Variants in MTHFD1 observed in about 807,000 individuals in gnomAD.
The protein encoded by MTHFD1 is C-1-tetrahydrofolate synthase, cytoplasmic.
A neutral mutation model predicts 110.3 loss-of-function variants in MTHFD1; 44 were observed. The ratio of observed to expected loss-of-function variants is 0.40; its 90% CI spans 0.31 to 0.51. The LOEUF (loss-of-function observed/expected upper bound fraction) is 0.51. MTHFD1 is among the 20% of genes least tolerant of loss of function. The probability of loss-of-function intolerance (pLI) is 0.60; values close to 1 mark genes in which losing one functional copy is unlikely to be tolerated. For synonymous variants in MTHFD1, 402 were observed against 428.8 expected, an observed-to-expected ratio of 0.94 and a Z score of 0.77; for missense variants, 909 against 1,173.1, an observed-to-expected ratio of 0.77 and a Z score of 3.29.
chr14:64,410,138 A>G (rs1201760631), intron 2 of MTHFD1, among the ~76,000 whole-genome samples: 7 of 152,256 alleles, frequency 4.6e-5, no homozygotes, highest in Non-Finnish European at 1.0e-4. Flanking sequence ...TTCATGGTCA[A>G]AGAAACAGAG....
At chr14:64,421,801 A>AT (rs967376585) in intron 8 of MTHFD1, among the ~76,000 whole-genome samples, 5 of 151,574 alleles carry the variant, frequency 3.3e-5, no homozygotes, top group Admixed American at 1.3e-4. Context: ...TTTTTTTTGT[A>AT]TTTTTAGTAG....
Position 64,458,632 on chromosome 14 carries a change from G to A in MTHFD1, c.*4+325G>A, listed in dbSNP as rs1264257732. ...CCTCTGCTGAAGCCCCAGGAGGCTT[G>A]GGGTTCAGAGTTGATGACACATTGC... On this transcript the variant is annotated intron_variant, in intron 27 of 27. Transcript: ENST00000652337. The A allele has an allele frequency of 1.5e-5, 6 of 396,300 alleles. No individual in the cohort carries two copies. In the East Asian group the frequency reaches 3.5e-4, roughly 23 times the overall value. The allele number at this position is 396,300 out of a possible 1,614,324, so 24.5% of individuals were successfully genotyped here.
At chr14:64,448,457 G>A in intron 23 of MTHFD1, 140 bp downstream of exon 23, 1 of 742,482 alleles carries the variant, frequency 1.3e-6, no homozygotes, top group Non-Finnish European at 2.4e-6. Context: ...ACTGTGACAG[G>A]CATTGCATAC....
chr14:64,433,495 A>G (rs1487104467), intron 15 of MTHFD1, among the ~76,000 whole-genome samples: 1 of 151,990 alleles, frequency 6.6e-6, no homozygotes, highest in Non-Finnish European at 1.5e-5. Context: ...ACATCTTACT[A>G]CAGCCTCAAC....
chr14:64,409,675 C>T (rs1246867817), intron 2 of MTHFD1, among the ~76,000 whole-genome samples: 3 of 151,954 alleles, frequency 2.0e-5, no homozygotes, highest in African/African-American at 7.3e-5. Context: ...CGAGAAGCAT[C>T]TAATGTACTT....
At chr14:64,401,028 C>T (rs1424583840) in intron 2 of MTHFD1, 151 bp downstream of exon 2, 1 of 681,188 alleles carries the variant, frequency 1.5e-6, no homozygotes. Flanking sequence ...CCCTTTGGCT[C>T]AGCTTCTAAA....
rs868258943 is a variant in MTHFD1, at chr14:64,442,396, C to T, written c.2130C>T (p.Gly710=). ...GGGCTCTCAAGATGCACGGGGGCGG[C>T]CCCACGGTGAGTGGTGGGTTGAAGT... ...TVRALKMHGG[G]PTVTAGLPLP... is the part of the protein sequence containing the mutation. Residue 710 remains glycine (G), a synonymous_variant, in exon 21 of 28, where the codon GGC becomes GGT. Coordinates refer to ENST00000652337, the MANE Select transcript of MTHFD1 (RefSeq NM_005956.4). 6.2e-7 allele frequency: 1 copy of T among 1,614,018 alleles called. No homozygotes were observed. Among genetic ancestry groups the T allele is most frequent in the Middle Eastern group, 1.6e-4 (1 of 6,062 alleles).
intron 15 of MTHFD1, among the ~76,000 whole-genome samples, chr14:64,434,987 T>C (rs2078194547): frequency 7.7e-6 from 1 of 130,308 alleles, no homozygotes; most frequent in Non-Finnish European, 1.6e-5. Flanking sequence ...AGATGGAGTC[T>C]CACCCAGGCT....
chr14:64,392,258 T>C (rs1460900998), intron 1 of MTHFD1, among the ~76,000 whole-genome samples: 1 of 152,046 alleles, frequency 6.6e-6, no homozygotes, highest in East Asian at 1.9e-4. Context: ...GGCTCCTGAG[T>C]AGAGGAACCT....
At chr14:64,435,377 A>G (rs763598997) in intron 15 of MTHFD1, among the ~76,000 whole-genome samples, 192 bp from the exon 16 acceptor site, 5 of 152,070 alleles carry the variant, frequency 3.3e-5, no homozygotes, top group Non-Finnish European at 5.9e-5. Context: ...CTTGGAGATA[A>G]TTTTTTGTAA....
intron 13 of MTHFD1, among the ~76,000 whole-genome samples, chr14:64,431,084 T>C (rs1009153122): frequency 5.3e-5 from 8 of 150,992 alleles, no homozygotes; most frequent in African/African-American, 1.5e-4. Context: ...TTCTTTTTTT[T>C]TTTTTTTTAA....
Position 64,417,822 on chromosome 14 carries a change from C to T in MTHFD1, c.479-66C>T. ...TTTTGTGCACTTATTCTAATTTCTC[C>T]ACGTGGCATGCGAAGGAGGGCAGCT... On this transcript the variant is annotated intron_variant, in intron 6 of 27. Coordinates refer to ENST00000652337, the MANE Select transcript of MTHFD1 (RefSeq NM_005956.4). This position sits in a 1 kb window ranked among gnomAD's most constrained non-coding sequence, Gnocchi z 4.4. The T allele has an allele frequency of 6.2e-7, 1 of 1,601,744 alleles. No individual in the cohort carries two copies.
chr14:64,430,284 G>A, intron 13 of MTHFD1, 54 bp downstream of exon 13: 2 of 1,525,496 alleles, frequency 1.3e-6, no homozygotes, highest in Non-Finnish European at 1.8e-6. Flanking sequence ...TGTCGGGGGG[G>A]AGGGTGCTGA....
At chr14:64,411,866 A>G (rs140123751) in intron 3 of MTHFD1, among the ~76,000 whole-genome samples, 7 of 151,976 alleles carry the variant, frequency 4.6e-5, no homozygotes, top group Admixed American at 3.3e-4. Flanking sequence ...GTGCCATTGC[A>G]CTCCAGCCTG....
chr14:64,459,765 A>G lies in MTHFD1; in HGVS notation c.*11A>G. Reference sequence around the variant, plus strand: ...TTCTTGTTTTTCCTTCCAGATCACCATCCATCTTCAAGAAGCTACTTTGAA... The same window carrying G: ...TTCTTGTTTTTCCTTCCAGATCACCGTCCATCTTCAAGAAGCTACTTTGAA... On this transcript the variant is annotated 3_prime_UTR_variant, in exon 28 of 28. Transcript: ENST00000652337. 1 of 1,533,176 alleles carries G rather than the reference A, an allele frequency of 6.5e-7. No homozygotes were observed. Among genetic ancestry groups the G allele is most frequent in the South Asian group, 1.2e-5 (1 of 83,652 alleles). The allele number at this position is 1,533,176 out of a possible 1,614,324, so 95.0% of individuals were successfully genotyped here. A position where few individuals can be genotyped will look rare whatever the true frequency, so the allele number is the denominator to read the frequency against.
Position 64,435,622 on chromosome 14 carries a change from C to T in MTHFD1, c.1548C>T (p.Asn516=). 1 of 1,612,806 alleles carries T rather than the reference C, an allele frequency of 6.2e-7. No homozygotes were observed. Among genetic ancestry groups the T allele is most frequent in the Non-Finnish European group, 8.5e-7 (1 of 1,178,876 alleles). Residue 516 remains asparagine, a synonymous_variant, in exon 16 of 28, where the codon AAC becomes AAT. Coordinates refer to ENST00000652337, the MANE Select transcript of MTHFD1 (RefSeq NM_005956.4). ...DPTTLTDEEI[N]RFARLDIDPE... ...CCACACTGACAGATGAAGAGATAAACAGATTTGCAAGATTGGACATTGATC... is the reference window on the plus strand; with the variant it reads ...CCACACTGACAGATGAAGAGATAAATAGATTTGCAAGATTGGACATTGATC...
At chr14:64,439,334 G>C in intron 17 of MTHFD1, 162 bp downstream of exon 17, 1 of 664,114 alleles carries the variant, frequency 1.5e-6, no homozygotes, top group Admixed American at 2.2e-5. Context: ...GAGCACTCCT[G>C]ACAGCTTTTG....
Position 64,453,736 on chromosome 14 carries a change from C to G in MTHFD1, c.2458-18C>G, listed in dbSNP as rs2078417684. On this transcript the variant is annotated intron_variant, in intron 24 of 27. Coordinates refer to ENST00000652337, the MANE Select transcript of MTHFD1 (RefSeq NM_005956.4). ...ATGTGTCCAGTCATGGTGTCCCCAT[C>G]TCTTTCTTGTGCATTAGCTCCCAGT... 6.8e-7 allele frequency: 1 copy of G among 1,461,506 alleles called. No individual in the cohort carries two copies. Among genetic ancestry groups the G allele is most frequent in the African/African-American group, 1.4e-5 (1 of 71,632 alleles). 90.5% of individuals were successfully genotyped at this position (1,461,506 alleles called of 1,614,324 possible).
intron 15 of MTHFD1, among the ~76,000 whole-genome samples, chr14:64,432,315 T>C (rs1436943269): frequency 1.3e-5 from 2 of 152,248 alleles, no homozygotes; most frequent in Non-Finnish European, 2.9e-5. Context: ...CTATATTTTA[T>C]TTGAATTTCT....
Sources: gnomAD v4.1 joint callset for allele counts (sites outside exome capture counted in the v4.1 genomes callset) on GRCh38, gnomAD v4.1.1 for gene constraint, Gnocchi (gnomAD v3.1) non-coding constraint, MANE v1.5 for transcripts, NCBI Gene and HGNC (gene_info 2026-07-23, HGNC 2026-07-21) for gene names.